CDK14: variants seen among roughly 807,000 people sequenced by gnomAD.
CDK14 encodes the protein cyclin dependent kinase 14.
In CDK14, 34 loss-of-function variants were observed where a neutral mutation model predicts 60.7. The ratio of observed to expected loss-of-function variants is 0.56; its 90% CI spans 0.43 to 0.75. The LOEUF (loss-of-function observed/expected upper bound fraction) is 0.75, where lower values mean the gene tolerates loss of function less well. Among genes scored for constraint, CDK14 ranks in the 30% least tolerant of loss-of-function variants. CDK14 has a pLI of 0.00. For synonymous variants in CDK14, 197 were observed against 203.7 expected (o/e 0.97, Z 0.28); for missense variants, 482 against 564.1 (o/e 0.85, Z 1.47).
rs146086392 is a variant in CDK14, at chr7:90,990,139, T to G, written c.1041+5898T>G. Among the ~76,000 whole-genome samples, 19 of 152,208 alleles carry G rather than the reference T, an allele frequency of 1.2e-4. 1 individual carries two copies. Among genetic ancestry groups the G allele is most frequent in the African/African-American group, 4.1e-4 (17 of 41,546 alleles). ...TTTTAACAAAAATAATACAGTACAG[T>G]GTGGTAGTATGTGCCTATGGTCCCA... is the stretch of plus-strand genomic sequence containing the variant. On this transcript the variant is annotated intron_variant, in intron 10 of 14. Coordinates refer to ENST00000380050, the MANE Select transcript of CDK14 (RefSeq NM_001287135.2).
chr7:91,000,943 T>C (rs760662909), intron 10 of CDK14, among the ~76,000 whole-genome samples: 7 of 152,334 alleles, frequency 4.6e-5, no homozygotes, highest in Non-Finnish European at 1.0e-4. Context: ...GGGAGCAAGC[T>C]ATTCATGTCA....
intron 2 of CDK14, among the ~76,000 whole-genome samples, chr7:90,682,226 G>GAATAGCATTTGA: frequency 6.6e-6 from 1 of 151,942 alleles, no homozygotes; most frequent in Non-Finnish European, 1.5e-5. Context: ...TAATAACCTA[G>GAATAGCATTTGA]AAAAATCTTT....
chr7:90,761,812 C>G (rs965326186), intron 4 of CDK14, among the ~76,000 whole-genome samples: 14 of 152,130 alleles, frequency 9.2e-5, no homozygotes, highest in Admixed American at 7.2e-4. Context: ...GAGGCAGTGT[C>G]TGTTTAAGAT....
chr7:91,026,968 TAG>T (rs1796589832), intron 10 of CDK14, among the ~76,000 whole-genome samples: 1 of 152,190 alleles, frequency 6.6e-6, no homozygotes, highest in East Asian at 1.9e-4. Flanking sequence ...TTGGTACACT[TAG>T]GCAAAAGATC....
intron 2 of CDK14, among the ~76,000 whole-genome samples, chr7:90,623,064 G>A (rs990957713): frequency 1.3e-5 from 2 of 149,220 alleles, no homozygotes; most frequent in African/African-American, 4.9e-5. Flanking sequence ...CAGCTCACTG[G>A]CTTTCTCGTA....
At chr7:91,098,610 T>A (rs1799076617) in intron 12 of CDK14, among the ~76,000 whole-genome samples, 1 of 152,158 alleles carries the variant, frequency 6.6e-6, no homozygotes, top group Non-Finnish European at 1.5e-5. Context: ...ATATATTGCC[T>A]TTAAGAAAAG....
At chr7:91,173,097 G>C (rs1801579724) in intron 14 of CDK14, among the ~76,000 whole-genome samples, 1 of 152,006 alleles carries the variant, frequency 6.6e-6, no homozygotes, top group Non-Finnish European at 1.5e-5. Context: ...CATCTTACTG[G>C]GTAGAATTGT....
chr7:91,011,100 G>A (rs1375939440), intron 10 of CDK14, among the ~76,000 whole-genome samples: 3 of 151,872 alleles, frequency 2.0e-5, no homozygotes, highest in South Asian at 2.1e-4. Flanking sequence ...AATTTTTATC[G>A]GGAATGGATA....
intron 11 of CDK14, among the ~76,000 whole-genome samples, chr7:91,057,767 C>T (rs1050035379): frequency 2.0e-5 from 3 of 152,026 alleles, no homozygotes; most frequent in South Asian, 2.1e-4. Flanking sequence ...TGGTCTATAT[C>T]TCTGTTTTGG....
chr7:90,914,113 GCTTGCTTGGTCTT>G (rs1792995253), intron 7 of CDK14, among the ~76,000 whole-genome samples: 1 of 152,102 alleles, frequency 6.6e-6, no homozygotes, highest in African/African-American at 2.4e-5. Flanking sequence ...TGTTATACCT[GCTTGCTTGGTCTT>G]CTTAGTGTTT....
chr7:90,738,267 G>T (rs78613073), intron 3 of CDK14, among the ~76,000 whole-genome samples: 2,896 of 152,224 alleles, frequency 0.019, 91 homozygotes, highest in African/African-American at 0.065. Context: ...TTCAAATGGG[G>T]ATAGTAATAG....
chr7:90,815,245 C>G (rs1789301053), intron 5 of CDK14, among the ~76,000 whole-genome samples: 1 of 152,050 alleles, frequency 6.6e-6, no homozygotes, highest in Admixed American at 6.6e-5. Flanking sequence ...GGAACTAAAC[C>G]AGAGTGCAGT....
At chr7:90,756,276 A>G (rs888684539) in intron 4 of CDK14, among the ~76,000 whole-genome samples, 13 of 152,230 alleles carry the variant, frequency 8.5e-5, no homozygotes, top group South Asian at 4.1e-4. Context: ...GTTCCTATCC[A>G]TTGAAGATGT....
intron 10 of CDK14, among the ~76,000 whole-genome samples, chr7:91,000,795 C>T (rs539706342): frequency 5.8e-4 from 88 of 152,264 alleles, no homozygotes; most frequent in Admixed American, 9.2e-4. Flanking sequence ...GTTTGTGAAG[C>T]GAATCATCTA....
At chr7:91,054,255 TGTGATG>T (rs1377570271) in intron 11 of CDK14, among the ~76,000 whole-genome samples, 10 of 152,150 alleles carry the variant, frequency 6.6e-5, no homozygotes, top group Non-Finnish European at 1.3e-4. Context: ...GCTGTAACTA[TGTGATG>T]GTTATTAAAA....
chr7:91,201,068 GC>G (rs1357505164), intron 14 of CDK14, among the ~76,000 whole-genome samples: 1 of 151,926 alleles, frequency 6.6e-6, no homozygotes, highest in Non-Finnish European at 1.5e-5. Context: ...GTAATTAATT[GC>G]GTGCCTATCT....
intron 4 of CDK14, among the ~76,000 whole-genome samples, chr7:90,788,226 A>G (rs1805679930): frequency 1.3e-5 from 2 of 152,196 alleles, no homozygotes; most frequent in Admixed American, 1.3e-4. Flanking sequence ...TCCTGGAATC[A>G]GTTACTGCCT....
At chr7:90,733,860 G>A (rs142886112) in intron 3 of CDK14, among the ~76,000 whole-genome samples, 2 of 152,176 alleles carry the variant, frequency 1.3e-5, no homozygotes, top group Non-Finnish European at 2.9e-5. Context: ...TATGATGCTA[G>A]CTGGTTATTT....
intron 5 of CDK14, among the ~76,000 whole-genome samples, chr7:90,807,118 A>G (rs1289275287): frequency 6.6e-6 from 1 of 152,232 alleles, no homozygotes; most frequent in Non-Finnish European, 1.5e-5. Flanking sequence ...TGAAGAGAGT[A>G]GTGGTTCTCC....
Sources: allele counts gnomAD v4.1 joint callset (sites outside exome capture counted in the v4.1 genomes callset), GRCh38; gene constraint gnomAD v4.1.1; transcripts MANE v1.5; gene names NCBI Gene and HGNC (gene_info 2026-07-23, HGNC 2026-07-21).